Variants in UBR3 observed in about 807,000 individuals in gnomAD.
The protein encoded by UBR3 is ubiquitin protein ligase E3 component n-recognin 3, also known as E3 ubiquitin-protein ligase UBR3.
Under a neutral mutation model 243.2 loss-of-function variants are expected in UBR3, and 85 were observed. The observed-to-expected ratio is 0.35, with a 90% confidence interval of 0.29 to 0.42. The LOEUF is 0.42. Among genes scored for constraint, UBR3 ranks in the 10% least tolerant of loss-of-function variants. UBR3 has a pLI of 1.00. For missense variants in UBR3, 1,686 were observed against 2,300.8 expected, an observed-to-expected ratio of 0.73 and a Z score of 5.47; for synonymous variants, 748 against 799.8, an observed-to-expected ratio of 0.94 and a Z score of 1.09.
At chr2:169,851,647 C>CTT in intron 1 of UBR3, among the ~76,000 whole-genome samples, 2 of 152,030 alleles carry the variant, frequency 1.3e-5, no homozygotes, top group African/African-American at 4.8e-5. Flanking sequence ...GAGCGGATCA[C>CTT]AAGGTCAAGA....
chr2:169,952,308 A>G (rs2087069300), intron 23 of UBR3, among the ~76,000 whole-genome samples: 1 of 152,196 alleles, frequency 6.6e-6, no homozygotes, highest in South Asian at 2.1e-4. Flanking sequence ...AAACTTATCA[A>G]AATTGTTAAG....
intron 35 of UBR3, among the ~76,000 whole-genome samples, chr2:170,062,732 T>C (rs1046045541): frequency 6.6e-6 from 1 of 152,230 alleles, no homozygotes; most frequent in African/African-American, 2.4e-5. Flanking sequence ...ACCTTATGGC[T>C]TATTTTGTCA....
intron 27 of UBR3, among the ~76,000 whole-genome samples, chr2:170,004,235 G>C (rs2089823029): frequency 6.6e-6 from 1 of 152,118 alleles, no homozygotes; most frequent in African/African-American, 2.4e-5. Context: ...ATATAGATTT[G>C]AAATATATTT....
intron 31 of UBR3, among the ~76,000 whole-genome samples, chr2:170,034,153 T>TA (rs1296032113): frequency 1.3e-5 from 2 of 152,112 alleles, no homozygotes; most frequent in Admixed American, 1.3e-4. Flanking sequence ...GTACATTTGT[T>TA]ACAGCTGATG....
chr2:170,047,188 G>A (rs1429873440), intron 32 of UBR3, among the ~76,000 whole-genome samples: 1 of 5,748 alleles, frequency 1.7e-4, no homozygotes, highest in Non-Finnish European at 1.9e-3. Flanking sequence ...AGACGGTGGC[G>A]GTGTCGGGGG....
Position 170,061,329 on chromosome 2 carries a change from T to A in UBR3, c.4905T>A (p.Ile1635=). The change falls in exon 35 of 39, where the codon ATT becomes ATA. Residue 1635 remains isoleucine, a synonymous_variant. Coordinates refer to ENST00000272793, the MANE Select transcript of UBR3 (RefSeq NM_172070.4). ...TTTTTTAACTTTAGGTTAACCCTAT[T>A]GCTTGGTCTCCTGAATCCATGGAAA... ...GTQECAMVNP[I]AWSPESMEKC... 1 of 1,614,118 alleles carries A rather than the reference T, an allele frequency of 6.2e-7. No homozygotes were observed. Among genetic ancestry groups the A allele is most frequent in the East Asian group, 2.2e-5 (1 of 44,884 alleles).
At chr2:170,041,685 T>TTTTG (rs2090971585) in intron 32 of UBR3, among the ~76,000 whole-genome samples, 1 of 152,204 alleles carries the variant, frequency 6.6e-6, no homozygotes, top group Non-Finnish European at 1.5e-5. Flanking sequence ...CTAGTTTTTA[T>TTTTG]TTTGTTTAAC....
chr2:170,067,203 T>C (rs934090988), intron 35 of UBR3, among the ~76,000 whole-genome samples: 1 of 152,156 alleles, frequency 6.6e-6, no homozygotes, highest in Non-Finnish European at 1.5e-5. Context: ...TTTTTGAGTT[T>C]CCTATCATAA....
intron 32 of UBR3, among the ~76,000 whole-genome samples, chr2:170,045,969 T>A (rs2091075639): frequency 4.0e-3 from 6 of 1,500 alleles, no homozygotes; most frequent in African/African-American, 0.014. Flanking sequence ...TGTAAATTTT[T>A]TTTTTTTTTT....
intron 28 of UBR3, 114 bp downstream of exon 28, chr2:170,007,304 CT>C: frequency 8.7e-7 from 1 of 1,150,776 alleles, no homozygotes; most frequent in Non-Finnish European, 1.2e-6. Flanking sequence ...GTAGAAATTG[CT>C]TTTAGAGGTT....
intron 8 of UBR3, among the ~76,000 whole-genome samples, chr2:169,899,629 G>T (rs552015603): frequency 6.6e-6 from 1 of 152,058 alleles, no homozygotes; most frequent in Non-Finnish European, 1.5e-5. Flanking sequence ...ATCTACATTA[G>T]GTATTTCTCC....
chr2:169,937,151 C>A (rs1486220534), intron 19 of UBR3, among the ~76,000 whole-genome samples: 1 of 152,214 alleles, frequency 6.6e-6, no homozygotes, highest in Non-Finnish European at 1.5e-5. Context: ...TACTTCTCCA[C>A]ATCCTCTCCA....
intron 38 of UBR3, among the ~76,000 whole-genome samples, chr2:170,081,275 G>A (rs995534284): frequency 3.9e-5 from 6 of 152,170 alleles, no homozygotes; most frequent in African/African-American, 1.4e-4. Flanking sequence ...GAGGTGGGTG[G>A]ATCACTTGAG....
chr2:170,046,263 C>A (rs1424494939), intron 32 of UBR3, among the ~76,000 whole-genome samples: 1 of 152,106 alleles, frequency 6.6e-6, no homozygotes, highest in Non-Finnish European at 1.5e-5. Flanking sequence ...CTGTGCCCAG[C>A]CTGTAAATTA....
chr2:169,835,278 G>T (rs941821179), intron 1 of UBR3, among the ~76,000 whole-genome samples: 1 of 152,074 alleles, frequency 6.6e-6, no homozygotes, highest in South Asian at 2.1e-4. Flanking sequence ...TATTGCTTGA[G>T]GCTGGGAGTA....
At chr2:170,056,618 CAG>C (rs1415712527) in intron 33 of UBR3, among the ~76,000 whole-genome samples, 2 of 152,116 alleles carry the variant, frequency 1.3e-5, no homozygotes, top group African/African-American at 4.8e-5. Flanking sequence ...GATTGGCTCA[CAG>C]AGTCTTAAGG....
chr2:169,982,901 G>A (rs1352634168), intron 24 of UBR3, among the ~76,000 whole-genome samples: 1 of 152,302 alleles, frequency 6.6e-6, no homozygotes, highest in Non-Finnish European at 1.5e-5. Flanking sequence ...TTCTGGAGAA[G>A]GCTTAGCTGA....
At chr2:170,041,191 A>G (rs534065939) in intron 32 of UBR3, among the ~76,000 whole-genome samples, 1 of 152,346 alleles carries the variant, frequency 6.6e-6, no homozygotes, top group East Asian at 1.9e-4. Context: ...AAAAAGAGAA[A>G]GAGAAGTAAA....
At chr2:169,971,081 A>G (rs1435589927) in intron 24 of UBR3, among the ~76,000 whole-genome samples, 14,556 of 151,748 alleles carry the variant, frequency 0.096, 815 homozygotes, top group African/African-American at 0.16. Context: ...GCTGGTGATG[A>G]TGAGCATTTT....
Sources: allele counts gnomAD v4.1 joint callset (sites outside exome capture counted in the v4.1 genomes callset), GRCh38; gene constraint gnomAD v4.1.1; transcripts MANE v1.5; gene names NCBI Gene and HGNC (gene_info 2026-07-23, HGNC 2026-07-21).